Variants in TCP11 observed in about 807,000 individuals in gnomAD.
The protein encoded by TCP11 is T-complex protein 11 homolog.
TCP11 carries 34 observed loss-of-function variants against 45.0 expected under a neutral mutation model. That is an observed-to-expected ratio of 0.76 (90% CI 0.57 to 1.01). The LOEUF (loss-of-function observed/expected upper bound fraction) is 1.01, where lower values mean the gene tolerates loss of function less well. Among genes scored for constraint, TCP11 ranks in the 50% least tolerant of loss-of-function variants. The pLI, the probability that TCP11 is intolerant of heterozygous loss-of-function variation, is 0.00. For missense variants in TCP11, 523 were observed against 598.1 expected (o/e 0.87, Z 1.31); for synonymous variants, 227 against 227.0 (o/e 1.00, Z 0.00).
At chr6:35,139,504 A>C (rs1007083102) in intron 2 of TCP11, among the ~76,000 whole-genome samples, 1 of 152,194 alleles carries the variant, frequency 6.6e-6, no homozygotes, top group East Asian at 1.9e-4. Context: ...GCCTCTCTGA[A>C]GTCTTTAGTT....
At chr6:35,135,815 A>C (rs149697609) in intron 3 of TCP11, among the ~76,000 whole-genome samples, 406 of 152,336 alleles carry the variant, frequency 2.7e-3, no homozygotes, top group African/African-American at 8.9e-3. Flanking sequence ...ATGCAGCAGC[A>C]GATAGTACTA....
At chr6:35,118,535 G>C (rs773254389) in intron 9 of TCP11, 34 bp from the exon 10 acceptor site, 2 of 1,589,598 alleles carry the variant, frequency 1.3e-6, no homozygotes, top group Non-Finnish European at 1.7e-6. Context: ...TAAGGGAAAA[G>C]GCAAACAGAT....
chr6:35,133,321 C>T (rs910030727), intron 3 of TCP11, among the ~76,000 whole-genome samples: 3 of 151,946 alleles, frequency 2.0e-5, no homozygotes, highest in Non-Finnish European at 2.9e-5. Context: ...GGACTACAGG[C>T]GTGCACCACC....
intron 8 of TCP11, among the ~76,000 whole-genome samples, 176 bp downstream of exon 8, chr6:35,119,983 G>GT (rs1006228403): frequency 4.0e-5 from 6 of 151,314 alleles, no homozygotes; most frequent in South Asian, 2.1e-4. Context: ...TGGAAGAAAG[G>GT]TTTTTTTTTG....
At chr6:35,141,047 G>A in intron 1 of TCP11, 158 bp downstream of exon 1, 1 of 1,238,234 alleles carries the variant, frequency 8.1e-7, no homozygotes. Context: ...GAAGTCGAGA[G>A]TGGGACAGAA....
At position 35,120,109 on chromosome 6, in the gene TCP11, C is replaced by A; in HGVS notation, c.1115+50G>T. On this transcript the variant is annotated intron_variant, in intron 8 of 9. Transcript: ENST00000311875. This position sits in a 1 kb window ranked among gnomAD's most constrained non-coding sequence, Gnocchi z 4.9. ...CAATCGTTCATTACCTGCCTATGTTCTAAATACCACATATCACCTTCTACT... is the reference window on the plus strand; with the variant it reads ...CAATCGTTCATTACCTGCCTATGTTATAAATACCACATATCACCTTCTACT... The A allele has an allele frequency of 6.3e-7, 1 of 1,581,704 alleles. No individual in the cohort carries two copies.
Position 35,119,275 on chromosome 6 carries a change from T to C in TCP11, c.1232A>G (p.Gln411Arg). The stretch of plus-strand genomic sequence containing the variant: ...CTCCTTCTTGGCAATGTTCTGGAGC[T>C]GTCCCATTAGAGATGCTGTATTATC... ...SSDNTASLMG[Q>R]LQNIAKKENC... The change falls in exon 9 of 10, where the codon CAG becomes CGG. Residue 411 changes from glutamine (Q) to arginine (R), a missense_variant. By Grantham distance (43) the Gln-to-Arg change is conservative. Coordinates refer to ENST00000311875, the MANE Select transcript of TCP11 (RefSeq NM_001370687.1). 6.2e-7 allele frequency: 1 copy of C among 1,614,250 alleles called. No homozygotes were observed. The highest frequency in any genetic ancestry group is 8.5e-7 in the Non-Finnish European group (1 of 1,180,038).
At position 35,140,863 on chromosome 6, in the gene TCP11, T is replaced by C; in HGVS notation, c.8A>G (p.Asp3Gly). 6.3e-7 allele frequency: 1 copy of C among 1,577,056 alleles called. No individual in the cohort carries two copies. Among genetic ancestry groups the C allele is most frequent in the South Asian group, 1.2e-5 (1 of 84,538 alleles). The change falls in exon 2 of 10, where the codon GAC (aspartate) becomes GGC (glycine). Residue 3 changes from aspartate (D) to glycine (G), a missense_variant. Physicochemically the swap from Asp to Gly is moderately conservative, Grantham distance 94. Coordinates refer to ENST00000311875, the MANE Select transcript of TCP11 (RefSeq NM_001370687.1). ...TTTCGGGGGCACACTCTCCTTGACGTCTGGCATTTTGCTGATGGTATCTGG... is the reference window on the plus strand; with the variant it reads ...TTTCGGGGGCACACTCTCCTTGACGCCTGGCATTTTGCTGATGGTATCTGG... MP[D>G]VKESVPPKYP... is the part of the protein sequence containing the mutation.
chr6:35,122,133 G>T lies in TCP11; in HGVS notation c.562C>A (p.Pro188Thr), dbSNP rs1411395659. 5.6e-6 allele frequency: 9 copies of T among 1,614,180 alleles called. No homozygotes were observed. Residue 188 changes from proline (P) to threonine (T), a missense_variant, in exon 5 of 10, where the codon CCT becomes ACT. By Grantham distance (38) the Pro-to-Thr change is conservative. Coordinates refer to ENST00000311875, the MANE Select transcript of TCP11 (RefSeq NM_001370687.1). ...GTTTCATACCTCAGTAGCCAAACAGGATCCGTAATGTTTTCTAGTTTCTGC... is the reference window on the plus strand; with the variant it reads ...GTTTCATACCTCAGTAGCCAAACAGTATCCGTAATGTTTTCTAGTTTCTGC... ...AVQKLENITD[P>T]VWLLRGIFQV...
At chr6:35,129,830 G>A (rs977716272) in intron 3 of TCP11, among the ~76,000 whole-genome samples, 53 of 152,196 alleles carry the variant, frequency 3.5e-4, no homozygotes, top group African/African-American at 1.1e-3. Flanking sequence ...GTTGGAATGC[G>A]ATGGCACAAT....
At chr6:35,137,745 C>CTTTTGATAAAATCTCTCTTTGACATA (rs1483390838) in intron 2 of TCP11, 2 of 453,324 alleles carry the variant, frequency 4.4e-6, no homozygotes, top group Admixed American at 2.4e-5. Flanking sequence ...TATTTTATCA[C>CTTTTGATAAAATCTCTCTTTGACATA]TCTCTTTTGA....
intron 2 of TCP11, among the ~76,000 whole-genome samples, chr6:35,138,597 G>C (rs906909807): frequency 1.3e-5 from 2 of 151,876 alleles, no homozygotes; most frequent in African/African-American, 4.8e-5. Context: ...GTAGTTGGGT[G>C]GGGGGTTGGG....
chr6:35,135,436 C>T (rs1562008139), intron 3 of TCP11, among the ~76,000 whole-genome samples: 1 of 151,942 alleles, frequency 6.6e-6, no homozygotes, highest in Admixed American at 6.6e-5. Context: ...ACTATAAGCC[C>T]GAGGTATACA....
At chr6:35,126,863 A>ACCCAAGCTGG (rs780034951) in intron 4 of TCP11, among the ~76,000 whole-genome samples, 2 of 151,750 alleles carry the variant, frequency 1.3e-5, no homozygotes, top group Non-Finnish European at 2.9e-5. Flanking sequence ...TCACCACATT[A>ACCCAAGCTGG]CCCAAGCTGG....
chr6:35,139,898 A>T (rs888352119), intron 2 of TCP11: 5 of 1,100,500 alleles, frequency 4.5e-6, no homozygotes, highest in South Asian at 1.5e-5. Flanking sequence ...AAAATTTCAA[A>T]TTTTTTTAAA....
intron 2 of TCP11, among the ~76,000 whole-genome samples, chr6:35,138,715 T>C (rs1208920160): frequency 1.3e-5 from 2 of 152,166 alleles, no homozygotes; most frequent in Non-Finnish European, 2.9e-5. Flanking sequence ...TAGTTGCACA[T>C]TTTAAAATAA....
At chr6:35,130,979 T>C (rs892722074) in intron 3 of TCP11, among the ~76,000 whole-genome samples, 1 of 152,204 alleles carries the variant, frequency 6.6e-6, no homozygotes, top group Non-Finnish European at 1.5e-5. Flanking sequence ...CTTCAACTGA[T>C]AAATAAACTG....
At chr6:35,139,937 A>T in intron 2 of TCP11, 1 of 1,375,922 alleles carries the variant, frequency 7.3e-7, no homozygotes, top group Non-Finnish European at 1.0e-6. Flanking sequence ...TTTTACTGAG[A>T]GTTGTTTTAT....
intron 9 of TCP11, among the ~76,000 whole-genome samples, chr6:35,118,884 T>C (rs1447265759): frequency 6.6e-6 from 1 of 152,116 alleles, no homozygotes; most frequent in Non-Finnish European, 1.5e-5. Context: ...TATAGGAACA[T>C]GTCTTCCAGC....
Sources: allele counts gnomAD v4.1 joint callset (sites outside exome capture counted in the v4.1 genomes callset), GRCh38; gene constraint gnomAD v4.1.1; non-coding constraint Gnocchi (gnomAD v3.1); transcripts MANE v1.5; gene names NCBI Gene and HGNC (gene_info 2026-07-23, HGNC 2026-07-21).